Variants in ANKRD30A observed in about 807,000 individuals in gnomAD.
ANKRD30A encodes the protein ankyrin repeat domain-containing protein 30A.
ANKRD30A carries 170 observed loss-of-function variants against 166.3 expected under a neutral mutation model. That is an observed-to-expected ratio of 1.02 (90% CI 0.90 to 1.16). The LOEUF (loss-of-function observed/expected upper bound fraction) is 1.16, where lower values mean the gene tolerates loss of function less well. Among genes scored for constraint, ANKRD30A ranks in the 50% most tolerant of loss-of-function variants. The probability of loss-of-function intolerance (pLI) is 0.00; values close to 1 mark genes in which losing one functional copy is unlikely to be tolerated. For missense variants in ANKRD30A, 1,630 were observed against 1,518.0 expected (o/e 1.07, Z -1.23); for synonymous variants, 564 against 508.9 (o/e 1.11, Z -1.46).
chr10:37,201,021 T>G (rs1473472956), intron 30 of ANKRD30A, among the ~76,000 whole-genome samples: 1 of 152,084 alleles, frequency 6.6e-6, no homozygotes, highest in Non-Finnish European at 1.5e-5. Flanking sequence ...GTCACCGAGT[T>G]AATGGCCACA....
Position 37,211,125 on chromosome 10 carries a change from C to CT in ANKRD30A, c.2870-5047dup, listed in dbSNP as rs928724286. Among the ~76,000 whole-genome samples, 31 of 150,728 alleles carry CT rather than the reference C, an allele frequency of 2.1e-4. No individual in the cohort carries two copies. In the East Asian group the frequency reaches 2.5e-3, roughly 12 times the overall value. On this transcript the variant is annotated intron_variant, in intron 31 of 35. Coordinates refer to ENST00000361713, the MANE Select transcript of ANKRD30A (RefSeq NM_052997.3). ...TCTTATGTTTAAGTGTTTAATCCAT[C>CT]TTTTTTTTTATCTAGAATTTTTTTT...
chr10:37,217,133 C>T (rs1410752663), intron 32 of ANKRD30A, among the ~76,000 whole-genome samples: 4 of 150,730 alleles, frequency 2.7e-5, no homozygotes, highest in Middle Eastern at 3.4e-3. Flanking sequence ...CAACAAGGTA[C>T]GTTTAAAGCA....
downstream of ANKRD30A, among the ~76,000 whole-genome samples, chr10:37,236,213 T>G (rs1486097658): frequency 6.6e-6 from 1 of 152,144 alleles, no homozygotes; most frequent in African/African-American, 2.4e-5. Flanking sequence ...AGGCTGCAAA[T>G]GATTCTCCTA....
chr10:37,247,037 A>C, the ANKRD30A span, among the ~76,000 whole-genome samples: 1 of 152,188 alleles, frequency 6.6e-6, no homozygotes, highest in Non-Finnish European at 1.5e-5. Context: ...TTCCTCTGTC[A>C]AAAGACAAAA....
intron 8 of ANKRD30A, among the ~76,000 whole-genome samples, chr10:37,147,032 T>C (rs1837554099): frequency 6.6e-6 from 1 of 152,270 alleles, no homozygotes; most frequent in Non-Finnish European, 1.5e-5. Flanking sequence ...TTGTACTTGT[T>C]TGATGTGCCT....
At chr10:37,189,788 G>A (rs1336032944) in intron 25 of ANKRD30A, among the ~76,000 whole-genome samples, 2 of 150,612 alleles carry the variant, frequency 1.3e-5, no homozygotes, top group Non-Finnish European at 3.0e-5. Context: ...ATTCCAAGAC[G>A]TGAGGAAAAT....
chr10:37,133,809 A>T (rs1256572126), intron 4 of ANKRD30A, 107 bp from the exon 5 acceptor site: 1 of 1,343,152 alleles, frequency 7.4e-7, no homozygotes, highest in Non-Finnish European at 1.0e-6. Context: ...TTGAGCACTC[A>T]AGATACTTAT....
the ANKRD30A span, among the ~76,000 whole-genome samples, chr10:37,260,055 G>A: frequency 6.6e-6 from 1 of 151,712 alleles, no homozygotes; most frequent in East Asian, 1.9e-4. Flanking sequence ...AATTGTTATT[G>A]TTAGGTTATG....
chr10:37,138,947 G>GA (rs1294111637), intron 6 of ANKRD30A, among the ~76,000 whole-genome samples: 1 of 152,100 alleles, frequency 6.6e-6, no homozygotes, highest in Non-Finnish European at 1.5e-5. Context: ...AAGTTGAAAT[G>GA]AGGAAAAAAT....
rs752385037 is a variant in ANKRD30A at position 37,197,458 on chromosome 10, G to A, written c.2694G>A (p.Lys898=). 1.5e-5 allele frequency: 24 copies of A among 1,612,310 alleles called. No individual in the cohort carries two copies. In the Admixed American group the frequency reaches 1.5e-4, roughly 10 times the overall value. Residue 898 remains lysine, a synonymous_variant, in exon 29 of 36, where the codon AAG becomes AAA. Coordinates refer to ENST00000361713, the MANE Select transcript of ANKRD30A (RefSeq NM_052997.3). ...KSVPNKALEL[K]NEQTLRADQM... ...TTCCAAATAAAGCCTTGGAATTGAA[G>A]AATGAACAAACATTGAGAGCAGGTA... is the stretch of plus-strand genomic sequence containing the variant.
chr10:37,153,689 C>T, intron 13 of ANKRD30A, 27 bp downstream of exon 13: 1 of 1,608,786 alleles, frequency 6.2e-7, no homozygotes, highest in Non-Finnish European at 8.5e-7. Context: ...ATTTAAAAAT[C>T]AGTTGACCGA....
intron 24 of ANKRD30A, among the ~76,000 whole-genome samples, chr10:37,182,924 T>C (rs1588874857): frequency 6.6e-6 from 1 of 151,450 alleles, no homozygotes; most frequent in East Asian, 1.9e-4. Flanking sequence ...TAAATAGTTG[T>C]ACACTGTACA....
chr10:37,193,629 T>C (rs190441005), intron 27 of ANKRD30A, among the ~76,000 whole-genome samples: 1 of 152,198 alleles, frequency 6.6e-6, no homozygotes, highest in Admixed American at 6.5e-5. Flanking sequence ...AAGTTCCACT[T>C]GCTGACATGA....
At chr10:37,209,791 C>CAAT (rs1237370703) in intron 31 of ANKRD30A, among the ~76,000 whole-genome samples, 5 of 151,914 alleles carry the variant, frequency 3.3e-5, no homozygotes, top group African/African-American at 1.2e-4. Context: ...ATATTTAGGG[C>CAAT]AATGCAGGTT....
Position 37,193,061 on chromosome 10 carries a change from T to A in ANKRD30A, c.2513-3T>A, listed in dbSNP as rs1186221281. On this transcript the variant is annotated splice_region_variant and splice_polypyrimidine_tract_variant and intron_variant, in intron 25 of 35. Transcript: ENST00000361713. ...TAAATTATATATGTCCCTTTTCTTTTAGAGTCTCCTGATAATGATGGTTTT... is the reference window on the plus strand; with the variant it reads ...TAAATTATATATGTCCCTTTTCTTTAAGAGTCTCCTGATAATGATGGTTTT... 1.9e-6 allele frequency: 3 copies of A among 1,609,702 alleles called. No individual in the cohort carries two copies. Among genetic ancestry groups the A allele is most frequent in the Non-Finnish European group, 2.5e-6 (3 of 1,177,310 alleles).
intron 17 of ANKRD30A, 75 bp from the exon 18 acceptor site, chr10:37,165,019 T>G: frequency 7.0e-7 from 1 of 1,431,284 alleles, no homozygotes; most frequent in African/African-American, 1.4e-5. Flanking sequence ...TGAATGAAAG[T>G]AGATTTGTAT....
At chr10:37,213,392 C>A (rs1348295453) in intron 31 of ANKRD30A, among the ~76,000 whole-genome samples, 1 of 151,652 alleles carries the variant, frequency 6.6e-6, no homozygotes, top group Non-Finnish European at 1.5e-5. Flanking sequence ...AGGGTTGGCC[C>A]TCATGACCTA....
At chr10:37,194,989 A>G (rs1588895343) in intron 27 of ANKRD30A, among the ~76,000 whole-genome samples, 1 of 152,162 alleles carries the variant, frequency 6.6e-6, no homozygotes, top group East Asian at 1.9e-4. Context: ...TTAACCATGA[A>G]AATTATGACA....
In ANKRD30A at chr10:37,125,821, G is replaced by A. The variant is rs537429537; in HGVS notation, c.34G>A (p.Val12Met). The A allele has an allele frequency of 1.3e-4, 112 of 853,242 alleles. 1 individual carries two copies. In the South Asian group the frequency reaches 1.7e-3, roughly 13 times the overall value. 52.9% of individuals were successfully genotyped at this position (853,242 alleles called of 1,614,324 possible). A position where few individuals can be genotyped will look rare whatever the true frequency, so the allele number is the denominator to read the frequency against. The change falls in exon 1 of 36, where the codon GTG becomes ATG. Residue 12 changes from valine (V) to methionine (M), a missense_variant. Transcript: ENST00000361713. ...GATCTCTGCCGCCGCTGTCAAGGTC[G>A]TGCCGGGCCCGGAGCGCCCGAGCCC... is the stretch of plus-strand genomic sequence containing the variant. ...EEISAAAVKV[V>M]PGPERPSPFS...
Sources: gnomAD v4.1 joint callset for allele counts (sites outside exome capture counted in the v4.1 genomes callset) on GRCh38, gnomAD v4.1.1 for gene constraint, MANE v1.5 for transcripts, NCBI Gene and HGNC (gene_info 2026-07-23, HGNC 2026-07-21) for gene names.